NCOA2: variants seen among roughly 807,000 people sequenced by gnomAD.
NCOA2 encodes class E basic helix-loop-helix protein 75.
Under a neutral mutation model 145.1 loss-of-function variants are expected in NCOA2, and 21 were observed. The observed-to-expected ratio is 0.14, with a 90% CI of 0.10 to 0.21. The LOEUF (loss-of-function observed/expected upper bound fraction) is 0.21. Ranked by LOEUF, NCOA2 falls within the 10% of genes least tolerant of loss-of-function variation. The probability of loss-of-function intolerance (pLI) is 1.00; values close to 1 mark genes in which losing one functional copy is unlikely to be tolerated. For missense variants in NCOA2, 1,472 were observed against 1,837.6 expected, an observed-to-expected ratio of 0.80 and a Z score of 3.64; for synonymous variants, 619 against 637.5, an observed-to-expected ratio of 0.97 and a Z score of 0.44.
intron 4 of NCOA2, among the ~76,000 whole-genome samples, chr8:70,191,644 G>A (rs1013467988): frequency 6.6e-6 from 1 of 152,204 alleles, no homozygotes; most frequent in South Asian, 2.1e-4. Context: ...GAGGGAGGGA[G>A]AGGGAGAAAG....
intron 1 of NCOA2, among the ~76,000 whole-genome samples, chr8:70,371,980 G>T (rs900645094): frequency 6.6e-6 from 1 of 152,054 alleles, no homozygotes; most frequent in East Asian, 1.9e-4. Context: ...TCTACACTGT[G>T]TATCTTTATA....
At chr8:70,314,207 A>AAAAAAAAAAAAAAAAAT (rs1805383717) in intron 1 of NCOA2, among the ~76,000 whole-genome samples, 1 of 143,524 alleles carries the variant, frequency 7.0e-6, no homozygotes, top group Non-Finnish European at 1.5e-5. Flanking sequence ...AAAAAAAAAA[A>AAAAAAAAAAAAAAAAAT]AGCAACTGTC....
At chr8:70,442,144 A>AAAGAAAGAAAGG in the NCOA2 span, among the ~76,000 whole-genome samples, 325 of 128,482 alleles carry the variant, frequency 2.5e-3, 3 homozygotes, top group African/African-American at 8.8e-3. Context: ...AGAAAGAAAG[A>AAAGAAAGAAAGG]AAGAAAGAAA....
intron 2 of NCOA2, among the ~76,000 whole-genome samples, chr8:70,286,796 T>C (rs1238735885): frequency 2.0e-5 from 3 of 152,074 alleles, no homozygotes; most frequent in African/African-American, 7.2e-5. Context: ...TAATTTCCCC[T>C]ATATATATTT....
chr8:70,117,507 C>T (rs1320328761), intron 22 of NCOA2, among the ~76,000 whole-genome samples: 1 of 152,198 alleles, frequency 6.6e-6, no homozygotes, highest in Non-Finnish European at 1.5e-5. Flanking sequence ...ACTGTCTGTC[C>T]ACATTGTTTA....
intron 3 of NCOA2, among the ~76,000 whole-genome samples, chr8:70,216,387 T>C (rs1819620785): frequency 1.3e-5 from 2 of 151,986 alleles, no homozygotes; most frequent in African/African-American, 4.9e-5. Context: ...TGTTATAATA[T>C]TGTGTAATCA....
chr8:70,282,125 G>A (rs1563719257), intron 2 of NCOA2, among the ~76,000 whole-genome samples: 2 of 152,102 alleles, frequency 1.3e-5, no homozygotes, highest in Admixed American at 1.3e-4. Context: ...TATATATGCT[G>A]ATTTCTAATT....
At chr8:70,424,245 T>C in the NCOA2 span, 1 of 379,546 alleles carries the variant, frequency 2.6e-6, no homozygotes, top group Non-Finnish European at 5.1e-6. Flanking sequence ...TCTTCTTCAG[T>C]TGCTCCAGGT....
chr8:70,334,939 C>T (rs562517160), intron 1 of NCOA2, among the ~76,000 whole-genome samples: 1 of 151,710 alleles, frequency 6.6e-6, no homozygotes, highest in Non-Finnish European at 1.5e-5. Flanking sequence ...GCCTGACCGA[C>T]ACGGTGAAAC....
chr8:70,372,476 T>C (rs994441887), intron 1 of NCOA2, among the ~76,000 whole-genome samples: 1 of 152,206 alleles, frequency 6.6e-6, no homozygotes, highest in Non-Finnish European at 1.5e-5. Context: ...CCCAAAATCC[T>C]ACTCTTTTCA....
the NCOA2 span, among the ~76,000 whole-genome samples, chr8:70,419,260 T>C: frequency 6.6e-6 from 1 of 152,178 alleles, no homozygotes; most frequent in Non-Finnish European, 1.5e-5. Flanking sequence ...AAGGAGTTTT[T>C]ATCTTTAGTC....
chr8:70,442,791 G>A, the NCOA2 span, among the ~76,000 whole-genome samples: 1 of 152,110 alleles, frequency 6.6e-6, no homozygotes, highest in African/African-American at 2.4e-5. Flanking sequence ...CGCTTCTGCT[G>A]GAGGATGATT....
chr8:70,357,328 A>G (rs571343086), intron 1 of NCOA2: 1 of 151,828 alleles, frequency 6.6e-6, no homozygotes, highest in Admixed American at 6.6e-5. Flanking sequence ...TTTTTTTTAC[A>G]CTGAAAACTA....
chr8:70,353,772 C>G (rs962677693), intron 1 of NCOA2, among the ~76,000 whole-genome samples: 1 of 152,012 alleles, frequency 6.6e-6, no homozygotes, highest in Non-Finnish European at 1.5e-5. Flanking sequence ...TTGGCCTATA[C>G]GATTTAAGTA....
chr8:70,138,065 C>T, intron 15 of NCOA2, 138 bp downstream of exon 15: 1 of 839,678 alleles, frequency 1.2e-6, no homozygotes, highest in Non-Finnish European at 1.8e-6. Context: ...TGGATTCACC[C>T]CTCCTCTTCA....
chr8:70,429,743 A>G, the NCOA2 span, among the ~76,000 whole-genome samples: 1 of 152,260 alleles, frequency 6.6e-6, no homozygotes, highest in African/African-American at 2.4e-5. Flanking sequence ...AGGATTAAAG[A>G]CTAAAATCAT....
intron 2 of NCOA2, among the ~76,000 whole-genome samples, chr8:70,244,625 A>G (rs1045520059): frequency 1.3e-5 from 2 of 152,136 alleles, no homozygotes; most frequent in African/African-American, 2.4e-5. Flanking sequence ...GAAAAGGATA[A>G]AAAGTATAAA....
intron 11 of NCOA2, among the ~76,000 whole-genome samples, 158 bp downstream of exon 11, chr8:70,155,813 A>G (rs1158845645): frequency 2.6e-5 from 4 of 152,240 alleles, no homozygotes; most frequent in Non-Finnish European, 5.9e-5. Context: ...CTAGGAGAGT[A>G]TTTGAAACAC....
At chr8:70,261,288 C>T (rs1046543689) in intron 2 of NCOA2, among the ~76,000 whole-genome samples, 12 of 152,144 alleles carry the variant, frequency 7.9e-5, no homozygotes, top group Admixed American at 2.0e-4. Flanking sequence ...ATGATGAGTT[C>T]ATGTCCTTTG....
Sources: allele counts gnomAD v4.1 joint callset (sites outside exome capture counted in the v4.1 genomes callset), GRCh38; gene constraint gnomAD v4.1.1; transcripts MANE v1.5; gene names NCBI Gene and HGNC (gene_info 2026-07-23, HGNC 2026-07-21).